CATSPERE: variants seen among roughly 807,000 people sequenced by gnomAD.
The protein encoded by CATSPERE is catsper channel auxiliary subunit epsilon.
In CATSPERE, 93 loss-of-function variants were observed where a neutral mutation model predicts 114.1. The ratio of observed to expected loss-of-function variants is 0.81; its 90% CI spans 0.69 to 0.97. The LOEUF is 0.97. Among genes scored for constraint, CATSPERE ranks in the 50% least tolerant of loss-of-function variants. The pLI, the probability that CATSPERE is intolerant of heterozygous loss-of-function variation, is 0.00. For missense variants in CATSPERE, 1,058 were observed against 1,131.6 expected (o/e 0.93, Z 0.93); for synonymous variants, 341 against 384.1 (o/e 0.89, Z 1.31).
At chr1:244,514,127 G>A (rs887204479) in intron 7 of CATSPERE, among the ~76,000 whole-genome samples, 11 of 151,948 alleles carry the variant, frequency 7.2e-5, no homozygotes, top group East Asian at 1.9e-4. Context: ...TTTGTTACCC[G>A]GGCTTTTGGT....
At chr1:244,460,078 T>G (rs1666530742), upstream of CATSPERE, among the ~76,000 whole-genome samples, 1 of 152,232 alleles carries the variant, frequency 6.6e-6, no homozygotes, top group African/African-American at 2.4e-5. Flanking sequence ...GCATCTTGCT[T>G]CTAACCTCAA....
chr1:244,569,527 G>C (rs1397884616), intron 10 of CATSPERE, among the ~76,000 whole-genome samples: 2 of 152,020 alleles, frequency 1.3e-5, no homozygotes, highest in Admixed American at 1.3e-4. Flanking sequence ...CTTTTTGGAG[G>C]GAGTTTGGTA....
Position 244,572,505 on chromosome 1 carries a change from A to G in CATSPERE, c.1683A>G (p.Ile561Met). ...TGTATGCTTTGGATGATGGCACAAT[A>G]CAAATACAGGACTATCCCTTACATC... ...YFLYALDDGT[I>M]QIQDYPLHLE... is the part of the protein sequence containing the mutation. Residue 561 changes from isoleucine to methionine, a missense_variant, in exon 11 of 22, where the codon ATA (isoleucine) becomes ATG (methionine). This residue lies in a region of CATSPERE where 787 missense variants were observed against 905.6 expected (regional missense o/e 0.87). Coordinates refer to ENST00000366534, the MANE Select transcript of CATSPERE (RefSeq NM_001130957.2). 1.9e-6 allele frequency: 3 copies of G among 1,614,162 alleles called. No homozygotes were observed. The highest frequency in any genetic ancestry group is 1.7e-6 in the Non-Finnish European group (2 of 1,180,006).
At chr1:244,472,737 C>A (rs1232216412) in intron 2 of CATSPERE, among the ~76,000 whole-genome samples, 1 of 152,054 alleles carries the variant, frequency 6.6e-6, no homozygotes, top group African/African-American at 2.4e-5. Flanking sequence ...AGTATCACAC[C>A]GAATAGTTTC....
chr1:244,479,418 G>C (rs1231586590), intron 4 of CATSPERE, among the ~76,000 whole-genome samples: 1 of 152,124 alleles, frequency 6.6e-6, no homozygotes, highest in East Asian at 1.9e-4. Flanking sequence ...AAAGCACTCA[G>C]TTGTAACAAC....
chr1:244,458,068 G>A (rs2148047174), upstream of CATSPERE, among the ~76,000 whole-genome samples: 1 of 152,174 alleles, frequency 6.6e-6, no homozygotes, highest in South Asian at 2.1e-4. Flanking sequence ...ACAGACAACT[G>A]TTGTCTCACT....
rs1273654170 is a variant in CATSPERE at position 244,631,523 on chromosome 1, A to C, written c.2649-3966A>C. Among the ~76,000 whole-genome samples the C allele has an allele frequency of 2.6e-5, 4 of 152,236 alleles. 1 individual carries two copies. Among genetic ancestry groups the C allele is most frequent in the Non-Finnish European group, 5.9e-5 (4 of 68,044 alleles). ...TGTCAAGAGAATGAGAAGACAAGCC[A>C]CACACTGGAAGAAAATATTTACAAA... On this transcript the variant is annotated intron_variant, in intron 20 of 21. Coordinates refer to ENST00000366534, the MANE Select transcript of CATSPERE (RefSeq NM_001130957.2).
chr1:244,569,829 C>G (rs1664175096), intron 10 of CATSPERE, among the ~76,000 whole-genome samples: 1 of 152,152 alleles, frequency 6.6e-6, no homozygotes, highest in African/African-American at 2.4e-5. Context: ...CGGATTGTTT[C>G]TAGGCTATTC....
intron 9 of CATSPERE, among the ~76,000 whole-genome samples, chr1:244,555,062 G>T (rs755131599): frequency 6.6e-6 from 1 of 152,138 alleles, no homozygotes; most frequent in Non-Finnish European, 1.5e-5. Flanking sequence ...GAAAAAGCAT[G>T]TGATAAATTC....
At chr1:244,503,628 T>C (rs1054647592) in intron 7 of CATSPERE, among the ~76,000 whole-genome samples, 2 of 152,226 alleles carry the variant, frequency 1.3e-5, no homozygotes, top group African/African-American at 4.8e-5. Context: ...GGTCTCACTC[T>C]GTCACCCAGG....
At chr1:244,570,655 AT>A (rs2148569944) in intron 10 of CATSPERE, among the ~76,000 whole-genome samples, 1 of 152,366 alleles carries the variant, frequency 6.6e-6, no homozygotes, top group Non-Finnish European at 1.5e-5. Flanking sequence ...AGGATGATTT[AT>A]AAGGTTTGTA....
At chr1:244,639,327 C>T (rs1244013154) in intron 21 of CATSPERE, among the ~76,000 whole-genome samples, 1 of 152,228 alleles carries the variant, frequency 6.6e-6, no homozygotes, top group Non-Finnish European at 1.5e-5. Flanking sequence ...AAGCTAACTC[C>T]TGCCCAGGCT....
intron 19 of CATSPERE, among the ~76,000 whole-genome samples, chr1:244,611,158 G>C (rs1301356244): frequency 6.6e-6 from 1 of 152,154 alleles, no homozygotes; most frequent in East Asian, 1.9e-4. Context: ...TCCCTTACTA[G>C]AATGTAAGCT....
chr1:244,523,186 G>A (rs1296607566), intron 8 of CATSPERE, among the ~76,000 whole-genome samples: 4 of 149,520 alleles, frequency 2.7e-5, no homozygotes, highest in East Asian at 3.9e-4. Flanking sequence ...TTCAATATAC[G>A]CAAATCAATA....
rs186595174 is a variant in CATSPERE, at chr1:244,610,869, T to C, written c.2490+543T>C. Among the ~76,000 whole-genome samples, 316 of 151,896 alleles carry C rather than the reference T, an allele frequency of 2.1e-3. 2 individuals are homozygous for C. The highest frequency in any genetic ancestry group is 7.2e-3 in the African/African-American group (299 of 41,424). Reference sequence around the variant, plus strand: ...TCCACCTCCCAGGTTCAAGTGATTCTCCTGCCTCAGCCTCCTGAGTAGCTG... The same window carrying C: ...TCCACCTCCCAGGTTCAAGTGATTCCCCTGCCTCAGCCTCCTGAGTAGCTG... On this transcript the variant is annotated intron_variant, in intron 19 of 21. Transcript: ENST00000366534.
intron 8 of CATSPERE, among the ~76,000 whole-genome samples, chr1:244,529,798 A>AT (rs1679300734): frequency 6.6e-6 from 1 of 152,072 alleles, no homozygotes; most frequent in Non-Finnish European, 1.5e-5. Flanking sequence ...GCCCACTCCA[A>AT]TGTTCTGGAG....
At chr1:244,557,043 T>A (rs2148515975) in intron 9 of CATSPERE, among the ~76,000 whole-genome samples, 1 of 152,296 alleles carries the variant, frequency 6.6e-6, no homozygotes. Context: ...TATGCATGGG[T>A]TTACTTCTGG....
At chr1:244,522,473 A>G (rs529077632) in intron 8 of CATSPERE, among the ~76,000 whole-genome samples, 42 of 152,350 alleles carry the variant, frequency 2.8e-4, no homozygotes, top group African/African-American at 9.1e-4. Context: ...ACGGCGAGAA[A>G]TAACTAAAAT....
rs556203956 is a variant in CATSPERE, at chr1:244,601,061, C to T, written c.2304-4634C>T. On this transcript the variant is annotated intron_variant, in intron 17 of 21. Transcript: ENST00000366534. ...AAATAGAAATCATAAGGAAATAATACGACTATGAAAAGAAAGTAGGCATAT... is the reference window on the plus strand; with the variant it reads ...AAATAGAAATCATAAGGAAATAATATGACTATGAAAAGAAAGTAGGCATAT... 2.0e-4 allele frequency among the ~76,000 whole-genome samples: 31 copies of T among 151,982 alleles called. 2 individuals carry two copies. In the South Asian group the frequency reaches 3.1e-3, roughly 15 times the overall value.
Sources: gnomAD v4.1 joint callset for allele counts (sites outside exome capture counted in the v4.1 genomes callset) on GRCh38, gnomAD v4.1.1 for gene constraint, gnomAD v4.1.1 regional missense constraint, MANE v1.5 for transcripts, NCBI Gene and HGNC (gene_info 2026-07-23, HGNC 2026-07-21) for gene names.